AGO2: variants seen among roughly 807,000 people sequenced by gnomAD.
The protein encoded by AGO2 is protein argonaute-2.
Under a neutral mutation model 102.3 loss-of-function variants are expected in AGO2, and 5 were observed. The ratio of observed to expected loss-of-function variants is 0.05; its 90% confidence interval spans 0.03 to 0.10. AGO2 has a LOEUF of 0.10. Ranked by LOEUF, AGO2 falls within the 10% of genes least tolerant of loss-of-function variation. The pLI, the probability that AGO2 is intolerant of heterozygous loss-of-function variation, is 1.00. For missense variants in AGO2, 541 were observed against 1,183.7 expected, an observed-to-expected ratio of 0.46 and a Z score of 7.97; for synonymous variants, 449 against 473.1, an observed-to-expected ratio of 0.95 and a Z score of 0.66.
chr8:140,548,314 T>TAAAA (rs34521232), intron 12 of AGO2, among the ~76,000 whole-genome samples: 1 of 121,056 alleles, frequency 8.3e-6, no homozygotes, highest in Non-Finnish European at 1.7e-5. Context: ...AGCCCTTGTC[T>TAAAA]AAAAAAAAAA....
At chr8:140,577,305 C>T (rs9694342) in intron 2 of AGO2, among the ~76,000 whole-genome samples, 47,625 of 151,018 alleles carry the variant, frequency 0.32, 7,781 homozygotes, top group African/African-American at 0.36. Flanking sequence ...TATAGGAAAC[C>T]CTTTGACAGG....
rs948125194 is a variant in AGO2, at chr8:140,536,120, A to G, written c.2170-551T>C. Among the ~76,000 whole-genome samples the G allele has an allele frequency of 3.3e-5, 5 of 152,318 alleles. No homozygotes were observed. In the East Asian group the frequency reaches 7.7e-4, roughly 24 times the overall value. On this transcript the variant is annotated intron_variant, in intron 16 of 18. Transcript: ENST00000220592. ...CTGTCCCAGAGGCCAGGGGCGGTACATATAACCATTCAATGGTTTAATTAC... is the reference window on the plus strand; with the variant it reads ...CTGTCCCAGAGGCCAGGGGCGGTACGTATAACCATTCAATGGTTTAATTAC...
chr8:140,595,144 G>A (rs567288792), intron 1 of AGO2, among the ~76,000 whole-genome samples: 14 of 152,222 alleles, frequency 9.2e-5, no homozygotes, highest in Non-Finnish European at 1.9e-4. Context: ...GTCTACACAC[G>A]AAAAGACTGA....
chr8:140,612,624 G>T (rs2074096011), intron 1 of AGO2, among the ~76,000 whole-genome samples: 1 of 151,928 alleles, frequency 6.6e-6, no homozygotes, highest in Non-Finnish European at 1.5e-5. Flanking sequence ...GCCGGGTGTG[G>T]TGGCTGTAAT....
At chr8:140,607,501 TATATATATATATATACAC>T (rs1564113833) in intron 1 of AGO2, among the ~76,000 whole-genome samples, 2 of 13,980 alleles carry the variant, frequency 1.4e-4, no homozygotes, top group African/African-American at 4.0e-4. Context: ...TATATATATA[TATATATATATATATACAC>T]ACACACACAC....
At chr8:140,628,689 C>T (rs766899783) in intron 1 of AGO2, among the ~76,000 whole-genome samples, 9 of 151,870 alleles carry the variant, frequency 5.9e-5, no homozygotes, top group Admixed American at 1.3e-4. Flanking sequence ...GGTTTGAACC[C>T]GTGAAGTCAG....
chr8:140,598,859 G>T (rs1476115571), intron 1 of AGO2, among the ~76,000 whole-genome samples: 1 of 152,198 alleles, frequency 6.6e-6, no homozygotes, highest in African/African-American at 2.4e-5. Flanking sequence ...CCTCCTTGCA[G>T]GACTCATGGC....
chr8:140,613,723 A>G (rs973461015), intron 1 of AGO2, among the ~76,000 whole-genome samples: 4 of 152,152 alleles, frequency 2.6e-5, no homozygotes, highest in Non-Finnish European at 4.4e-5. Flanking sequence ...ATCACACTAT[A>G]AAGAACAGCT....
At chr8:140,551,679 T>TGGGTGGATGGTTGATGGGG in intron 10 of AGO2, among the ~76,000 whole-genome samples, 1 of 148,826 alleles carries the variant, frequency 6.7e-6, no homozygotes, top group East Asian at 2.0e-4. Flanking sequence ...GGTTGATGGG[T>TGGGTGGATGGTTGATGGGG]GGGTGGATGG....
At chr8:140,611,107 A>G (rs1045048132) in intron 1 of AGO2, among the ~76,000 whole-genome samples, 2 of 152,158 alleles carry the variant, frequency 1.3e-5, no homozygotes, top group Non-Finnish European at 1.5e-5. Flanking sequence ...CCAGGGCCAG[A>G]GCGGCTTGTG....
intron 1 of AGO2, among the ~76,000 whole-genome samples, chr8:140,603,849 T>C (rs1189694201): frequency 1.3e-5 from 2 of 152,342 alleles, no homozygotes; most frequent in South Asian, 4.1e-4. Context: ...ACATCAGCCA[T>C]GTGCCTTGCC....
At chr8:140,629,502 C>G (rs969037226) in intron 1 of AGO2, among the ~76,000 whole-genome samples, 1 of 152,114 alleles carries the variant, frequency 6.6e-6, no homozygotes, top group South Asian at 2.1e-4. Context: ...GGCTGCAGTT[C>G]TGACCAGACT....
intron 2 of AGO2, among the ~76,000 whole-genome samples, chr8:140,578,219 C>G (rs762722007): frequency 2.0e-5 from 3 of 152,208 alleles, no homozygotes; most frequent in African/African-American, 7.2e-5. Context: ...AATTCTAACA[C>G]GGGGGGTCCC....
At chr8:140,597,331 G>A (rs1233144157) in intron 1 of AGO2, among the ~76,000 whole-genome samples, 1 of 152,222 alleles carries the variant, frequency 6.6e-6, no homozygotes. Flanking sequence ...CCAACGCAGC[G>A]CAGCACGGAT....
At chr8:140,580,249 T>C (rs2073535584) in intron 2 of AGO2, among the ~76,000 whole-genome samples, 1 of 152,240 alleles carries the variant, frequency 6.6e-6, no homozygotes, top group Admixed American at 6.5e-5. Context: ...TGGACTATAC[T>C]GCAGGGCCTG....
At chr8:140,585,041 T>C in intron 2 of AGO2, 78 bp downstream of exon 2, 1 of 1,384,836 alleles carries the variant, frequency 7.2e-7, no homozygotes, top group Non-Finnish European at 9.7e-7. Flanking sequence ...TGCTGAGAAT[T>C]TCAGAGTTGA....
chr8:140,557,094 G>C lies in AGO2; in HGVS notation c.1021C>G (p.Leu341Val). The change falls in exon 8 of 19, where the codon CTG becomes GTG. Residue 341 changes from leucine (L) to valine (V), a missense_variant. Physicochemically the swap from Leu to Val is conservative, Grantham distance 32 (BLOSUM62 1). Transcript: ENST00000220592. This position sits in a 1 kb window ranked among gnomAD's most constrained non-coding sequence, Gnocchi z 5.9. ...GQEQKHTYLP[L>V]EVCNIVAGQR... The stretch of plus-strand genomic sequence containing the variant: ...ACAGGAAGAGGGTGACTTGCCTCCA[G>C]GGGAAGGTAGGTGTGTTTCTGCTCC... The C allele has an allele frequency of 6.2e-7, 1 of 1,612,642 alleles. No individual in the cohort carries two copies.
intron 2 of AGO2, among the ~76,000 whole-genome samples, chr8:140,584,119 A>G (rs1286620536): frequency 2.0e-5 from 3 of 149,206 alleles, no homozygotes; most frequent in Admixed American, 1.4e-4. Context: ...TCAATAACAA[A>G]AAGACAAGAA....
Position 140,520,986 on chromosome 8 carries a change from C to A in AGO2, c.*11058G>T, listed in dbSNP as rs1285128861. The A allele has an allele frequency of 6.6e-6, 1 of 151,884 alleles. No individual in the cohort carries two copies. The highest frequency in any genetic ancestry group is 1.5e-5 in the Non-Finnish European group (1 of 67,962). The allele number at this position is 151,884 out of a possible 1,614,324, so 9.4% of individuals were successfully genotyped here. On this transcript the variant is annotated 3_prime_UTR_variant, in exon 19 of 19. Coordinates refer to ENST00000220592, the MANE Select transcript of AGO2 (RefSeq NM_012154.5). Reference sequence around the variant, plus strand: ...CCCTACAAGAGTAATTTTTAAATTTCTTTCAACAGTCTATTGGGGTCCAAA... The same window carrying A: ...CCCTACAAGAGTAATTTTTAAATTTATTTCAACAGTCTATTGGGGTCCAAA...
Sources: allele counts gnomAD v4.1 joint callset (sites outside exome capture counted in the v4.1 genomes callset), GRCh38; gene constraint gnomAD v4.1.1; non-coding constraint Gnocchi (gnomAD v3.1); transcripts MANE v1.5; gene names NCBI Gene and HGNC (gene_info 2026-07-23, HGNC 2026-07-21).